KLF15: variants seen among roughly 807,000 people sequenced by gnomAD.
KLF15 encodes the protein Krueppel-like factor 15.
Under a neutral mutation model 24.6 loss-of-function variants are expected in KLF15, and 4 were observed. That is an observed-to-expected ratio of 0.16 (90% confidence interval 0.08 to 0.37). The LOEUF (loss-of-function observed/expected upper bound fraction) is 0.37. Ranked by LOEUF, KLF15 falls within the 10% of genes least tolerant of loss-of-function variation. The probability of loss-of-function intolerance (pLI) is 1.00; values close to 1 mark genes in which losing one functional copy is unlikely to be tolerated. For synonymous variants in KLF15, 246 were observed against 236.3 expected, an observed-to-expected ratio of 1.04 and a Z score of -0.37; for missense variants, 496 against 560.6, an observed-to-expected ratio of 0.88 and a Z score of 1.16.
At chr3:126,310,682 C>T in the KLF15 span, among the ~76,000 whole-genome samples, 6 of 152,270 alleles carry the variant, frequency 3.9e-5, no homozygotes, top group Admixed American at 1.3e-4. Flanking sequence ...CTCACATGGT[C>T]TTCCATCTGT....
chr3:126,325,038 C>A, the KLF15 span, among the ~76,000 whole-genome samples: 1 of 96,324 alleles, frequency 1.0e-5, no homozygotes, highest in African/African-American at 4.4e-5. Flanking sequence ...CAATTCCCAC[C>A]TATGAGTGAG....
rs2082491094 is a variant in KLF15 at position 126,343,016 on chromosome 3, G to A, written c.*711C>T. 6.6e-6 allele frequency: 1 copy of A among 152,170 alleles called. No homozygotes were observed. The highest frequency in any genetic ancestry group is 1.9e-4 in the East Asian group (1 of 5,144). 9.4% of individuals were successfully genotyped at this position (152,170 alleles called of 1,614,324 possible). Reference sequence around the variant, plus strand: ...TGGATTTGTCTGGGAAACCGGAGGAGGGGACGAGCCCCTGGGTACAGGCCC... The same window carrying A: ...TGGATTTGTCTGGGAAACCGGAGGAAGGGACGAGCCCCTGGGTACAGGCCC... On this transcript the variant is annotated 3_prime_UTR_variant, in exon 3 of 3. Coordinates refer to ENST00000296233, the MANE Select transcript of KLF15 (RefSeq NM_014079.4).
downstream of KLF15, among the ~76,000 whole-genome samples, chr3:126,337,748 T>A (rs2107546996): frequency 6.6e-6 from 1 of 152,212 alleles, no homozygotes. Context: ...ATTCTAAGTG[T>A]GTTGCATATT....
chr3:126,300,183 A>G, the KLF15 span, among the ~76,000 whole-genome samples: 1 of 152,104 alleles, frequency 6.6e-6, no homozygotes, highest in Non-Finnish European at 1.5e-5. Flanking sequence ...GCCAGGGGAC[A>G]TTAGAGCAGG....
chr3:126,311,058 C>A, the KLF15 span, among the ~76,000 whole-genome samples: 7 of 152,150 alleles, frequency 4.6e-5, no homozygotes, highest in Non-Finnish European at 8.8e-5. Flanking sequence ...GTGCAGGGTC[C>A]CAGGCTGGGG....
the KLF15 span, among the ~76,000 whole-genome samples, chr3:126,334,548 C>A: frequency 2.1e-5 from 1 of 47,090 alleles, no homozygotes; most frequent in Non-Finnish European, 4.4e-5. Context: ...CAAAAGCTAG[C>A]AGAAGGCAAG....
the KLF15 span, among the ~76,000 whole-genome samples, chr3:126,316,114 C>T: frequency 8.5e-5 from 13 of 152,336 alleles, no homozygotes; most frequent in African/African-American, 2.4e-4. Flanking sequence ...GCAGAGACCA[C>T]GTGTGGCCTG....
At chr3:126,323,427 ATATATAT>A in the KLF15 span, among the ~76,000 whole-genome samples, 1 of 42,352 alleles carries the variant, frequency 2.4e-5, no homozygotes, top group African/African-American at 7.1e-5. Context: ...ATATATATAT[ATATATAT>A]AACATATATA....
chr3:126,295,060 A>G, the KLF15 span, among the ~76,000 whole-genome samples: 18 of 152,346 alleles, frequency 1.2e-4, no homozygotes, highest in South Asian at 1.9e-3. Flanking sequence ...ATGCACTTAT[A>G]CGCACATGCA....
At chr3:126,331,664 C>T in the KLF15 span, among the ~76,000 whole-genome samples, 1 of 152,160 alleles carries the variant, frequency 6.6e-6, no homozygotes, top group Non-Finnish European at 1.5e-5. Flanking sequence ...CCAGCGTGAG[C>T]GACGCAGAAG....
the KLF15 span, among the ~76,000 whole-genome samples, chr3:126,312,153 GA>G: frequency 2.6e-5 from 4 of 152,188 alleles, no homozygotes; most frequent in African/African-American, 7.2e-5. Flanking sequence ...AGCTCATGTG[GA>G]AGCCCTTGTA....
chr3:126,305,114 C>T, the KLF15 span, among the ~76,000 whole-genome samples: 174 of 152,306 alleles, frequency 1.1e-3, 1 homozygote, highest in East Asian at 0.023. Flanking sequence ...CGTGTGATGG[C>T]TGGGGCTTGA....
At chr3:126,306,687 A>G in the KLF15 span, among the ~76,000 whole-genome samples, 714 of 152,366 alleles carry the variant, frequency 4.7e-3, 4 homozygotes, top group Non-Finnish European at 5.7e-3. Context: ...TGTATGGCCT[A>G]TTCATATGAA....
the KLF15 span, among the ~76,000 whole-genome samples, chr3:126,323,423 ATATATATATATAAC>A: frequency 2.0e-4 from 6 of 29,300 alleles, no homozygotes; most frequent in Admixed American, 4.5e-4. Context: ...ATATATATAT[ATATATATATATAAC>A]ATATATATGT....
chr3:126,309,107 G>A, the KLF15 span, among the ~76,000 whole-genome samples: 807 of 152,376 alleles, frequency 5.3e-3, 5 homozygotes, highest in African/African-American at 0.019. Context: ...TAGGCAAGGC[G>A]TAGGCCTGAG....
chr3:126,352,883 AC>A lies in KLF15; in HGVS notation c.39del (p.Ser14ArgfsTer102), dbSNP rs2082597762. The A allele has an allele frequency of 6.2e-7, 1 of 1,611,542 alleles. No homozygotes were observed. The highest frequency in any genetic ancestry group is 1.7e-5 in the Admixed American group (1 of 59,900). ...DHLLPVDENF[S>X]SPKCPVGYLG... is the part of the protein sequence containing the mutation. Reference sequence around the variant, plus strand: ...AGATACCCAACTGGGCATTTTGGCGACGAGAAGTTCTCGTCCACTGGAAGTA... The same window carrying A: ...AGATACCCAACTGGGCATTTTGGCGAGAGAAGTTCTCGTCCACTGGAAGTA... On this transcript the variant is annotated frameshift_variant, in exon 2 of 3. Coordinates refer to ENST00000296233, the MANE Select transcript of KLF15 (RefSeq NM_014079.4). LOFTEE classifies it high-confidence loss of function.
chr3:126,341,069 G>C (rs2082476136), downstream of KLF15, among the ~76,000 whole-genome samples: 1 of 152,202 alleles, frequency 6.6e-6, no homozygotes, highest in Non-Finnish European at 1.5e-5. Context: ...TGGAGCCCAG[G>C]ATCAACAGGC....
At chr3:126,317,910 A>T in the KLF15 span, among the ~76,000 whole-genome samples, 4 of 152,144 alleles carry the variant, frequency 2.6e-5, no homozygotes, top group Non-Finnish European at 4.4e-5. Context: ...GGTTGCTGCA[A>T]ACCCGTACAG....
the KLF15 span, among the ~76,000 whole-genome samples, chr3:126,327,750 C>T: frequency 1.3e-5 from 2 of 152,142 alleles, no homozygotes; most frequent in Non-Finnish European, 2.9e-5. Flanking sequence ...CGAGTTTGAC[C>T]ATTTCATTGC....
Sources: allele counts gnomAD v4.1 joint callset (sites outside exome capture counted in the v4.1 genomes callset), GRCh38; gene constraint gnomAD v4.1.1; transcripts MANE v1.5; gene names NCBI Gene and HGNC (gene_info 2026-07-23, HGNC 2026-07-21).